BRD3: variants seen among roughly 807,000 people sequenced by gnomAD.
BRD3 encodes bromodomain-containing protein 3.
In BRD3, 17 loss-of-function variants were observed where a neutral mutation model predicts 66.8. The observed-to-expected ratio is 0.25, with a 90% CI of 0.17 to 0.38. The LOEUF is 0.38. Among genes scored for constraint, BRD3 ranks in the 10% least tolerant of loss-of-function variants. The pLI, the probability that BRD3 is intolerant of heterozygous loss-of-function variation, is 1.00. For synonymous variants in BRD3, 421 were observed against 393.2 expected, an observed-to-expected ratio of 1.07 and a Z score of -0.84; for missense variants, 713 against 956.1, an observed-to-expected ratio of 0.75 and a Z score of 3.35.
At chr9:134,052,787 G>A (rs1264269918) in intron 2 of BRD3, among the ~76,000 whole-genome samples, 1 of 152,236 alleles carries the variant, frequency 6.6e-6, no homozygotes, top group Non-Finnish European at 1.5e-5. Context: ...AGGCCACCAA[G>A]TGCCAGCCCA....
chr9:134,060,190 T>C (rs952852968), intron 1 of BRD3, among the ~76,000 whole-genome samples: 8 of 152,228 alleles, frequency 5.3e-5, no homozygotes, highest in African/African-American at 1.9e-4. Flanking sequence ...GCAGGCAGCC[T>C]GCCTTAGACA....
At chr9:134,058,544 C>CCA (rs1325413598) in intron 1 of BRD3, 2 of 152,302 alleles carry the variant, frequency 1.3e-5, no homozygotes, top group Non-Finnish European at 2.9e-5. Flanking sequence ...CAGAGCCTGA[C>CCA]CACTCCGTGT....
intron 7 of BRD3, among the ~76,000 whole-genome samples, chr9:134,043,629 G>A (rs1476859174): frequency 6.6e-6 from 1 of 152,166 alleles, no homozygotes. Context: ...AGGTCAGGTC[G>A]TTTTGCTGTT....
At position 134,036,150 on chromosome 9, in the gene BRD3, G is replaced by C. The variant is rs1829906905; in HGVS notation, c.1818C>G (p.Leu606=). 1 of 1,614,288 alleles carries C rather than the reference G, an allele frequency of 6.2e-7. No homozygotes were observed. Among genetic ancestry groups the C allele is most frequent in the Non-Finnish European group, 8.5e-7 (1 of 1,180,054 alleles). Residue 606 remains leucine, a synonymous_variant, in exon 10 of 12, where the codon CTC becomes CTG. Coordinates refer to ENST00000303407, the MANE Select transcript of BRD3 (RefSeq NM_007371.4). ...CTATCTCGTCGGGGTTGGAGTCCCTGAGCGAGGGCTCCCGAGATTGGATGA... is the reference window on the plus strand; with the variant it reads ...CTATCTCGTCGGGGTTGGAGTCCCTCAGCGAGGGCTCCCGAGATTGGATGA... ...VHIIQSREPS[L]RDSNPDEIEI...
chr9:134,059,614 C>T (rs150305162), intron 1 of BRD3, among the ~76,000 whole-genome samples: 80 of 152,336 alleles, frequency 5.3e-4, no homozygotes, highest in African/African-American at 1.8e-3. Flanking sequence ...TCTTGGGGAA[C>T]AGGGGGGCCC....
At chr9:134,066,624 G>A (rs1294441702) in intron 1 of BRD3, among the ~76,000 whole-genome samples, 1 of 152,120 alleles carries the variant, frequency 6.6e-6, no homozygotes, top group African/African-American at 2.4e-5. Flanking sequence ...AAAAGAGCAG[G>A]GTAAAAAGAA....
At chr9:134,065,644 C>T (rs964498842) in intron 1 of BRD3, among the ~76,000 whole-genome samples, 4 of 152,194 alleles carry the variant, frequency 2.6e-5, no homozygotes, top group Admixed American at 6.5e-5. Context: ...CCCCATACCC[C>T]GCCCCGGTAC....
At chr9:134,060,155 G>A (rs561052277) in intron 1 of BRD3, among the ~76,000 whole-genome samples, 1 of 152,342 alleles carries the variant, frequency 6.6e-6, no homozygotes, top group African/African-American at 2.4e-5. Flanking sequence ...GGCCACCCTT[G>A]CCAGTCGGGT....
At chr9:134,051,092 A>G (rs554534226) in intron 4 of BRD3, among the ~76,000 whole-genome samples, 1 of 152,242 alleles carries the variant, frequency 6.6e-6, no homozygotes, top group South Asian at 2.1e-4. Flanking sequence ...TCACGACACT[A>G]ATCACCACCA....
Position 134,030,946 on chromosome 9 carries a change from A to C in BRD3, c.*2644T>G. ...GCCCTACAGGTCTCAGCAGTGGGAC[A>C]ATCTAATTGAATCACCGCAGCCTTC... On this transcript the variant is annotated 3_prime_UTR_variant, in exon 12 of 12. Coordinates refer to ENST00000303407, the MANE Select transcript of BRD3 (RefSeq NM_007371.4). 4.3e-6 allele frequency: 1 copy of C among 231,664 alleles called. No homozygotes were observed. 14.4% of individuals were successfully genotyped at this position (231,664 alleles called of 1,614,324 possible).
At chr9:134,064,270 G>A (rs546260259) in intron 1 of BRD3, among the ~76,000 whole-genome samples, 1 of 152,304 alleles carries the variant, frequency 6.6e-6, no homozygotes, top group Non-Finnish European at 1.5e-5. Context: ...GCTCACACCT[G>A]TAATCTCAGC....
intron 1 of BRD3, among the ~76,000 whole-genome samples, chr9:134,067,458 A>G (rs548035705): frequency 2.2e-4 from 32 of 148,822 alleles, no homozygotes; most frequent in African/African-American, 7.6e-4. Context: ...GGCCCCGCGG[A>G]GCGCACGGCC....
chr9:134,056,687 CAGG>C (rs956096575), intron 1 of BRD3: 3 of 152,394 alleles, frequency 2.0e-5, no homozygotes, highest in African/African-American at 7.2e-5. Context: ...CCACGCCGGG[CAGG>C]AGGAGACCAG....
chr9:134,038,672 T>C (rs747613884), intron 9 of BRD3, among the ~76,000 whole-genome samples: 2 of 151,966 alleles, frequency 1.3e-5, no homozygotes, highest in Non-Finnish European at 2.9e-5. Context: ...AATCCAAAAA[T>C]CCAAAATGCT....
chr9:134,040,349 G>A, intron 8 of BRD3, 80 bp from the exon 9 acceptor site: 1 of 1,487,664 alleles, frequency 6.7e-7, no homozygotes, highest in South Asian at 1.2e-5. Flanking sequence ...GGATTGGAGG[G>A]GGCTTGGGGC....
Position 134,053,540 on chromosome 9 carries a change from C to T in BRD3, c.-63G>A, listed in dbSNP as rs2073818. 1.8e-5 allele frequency: 27 copies of T among 1,478,100 alleles called. 1 individual carries two copies. In the South Asian group the frequency reaches 2.9e-4, roughly 16 times the overall value. 91.6% of individuals were successfully genotyped at this position (1,478,100 alleles called of 1,614,324 possible). A position where few individuals can be genotyped will look rare whatever the true frequency, so the allele number is the denominator to read the frequency against. On this transcript the variant is annotated 5_prime_UTR_variant, in exon 2 of 12. Transcript: ENST00000303407. ...CTTGGAGAGGCCCTGGCTGCTTCTA[C>T]GCTCCCTGAGAAAGCGCGACGTCCC...
chr9:134,039,544 G>C (rs761743577), intron 9 of BRD3, among the ~76,000 whole-genome samples: 1 of 152,094 alleles, frequency 6.6e-6, no homozygotes, highest in Admixed American at 6.5e-5. Context: ...CTCCCATCCC[G>C]GGCCTGAGCT....
chr9:134,051,880 G>GTT (rs777755860), intron 3 of BRD3, among the ~76,000 whole-genome samples, 171 bp from the exon 4 acceptor site: 1 of 113,658 alleles, frequency 8.8e-6, no homozygotes, highest in Non-Finnish European at 1.8e-5. Flanking sequence ...TGTGTGTGTT[G>GTT]TTTTTTTTGT....
intron 5 of BRD3, among the ~76,000 whole-genome samples, chr9:134,049,524 G>A (rs567185564): frequency 2.6e-5 from 4 of 152,360 alleles, no homozygotes; most frequent in African/African-American, 9.6e-5. Context: ...CGCACAGGGC[G>A]GATAGGAGCG....
Sources: gnomAD v4.1 joint callset for allele counts (sites outside exome capture counted in the v4.1 genomes callset) on GRCh38, gnomAD v4.1.1 for gene constraint, MANE v1.5 for transcripts, NCBI Gene and HGNC (gene_info 2026-07-23, HGNC 2026-07-21) for gene names.